Variants in MAP4K3 observed in about 807,000 individuals in gnomAD.
The protein encoded by MAP4K3 is MAPK/ERK kinase kinase kinase 3.
A neutral mutation model predicts 143.5 loss-of-function variants in MAP4K3; 94 were observed. The observed-to-expected ratio is 0.65, with a 90% confidence interval of 0.55 to 0.78. The LOEUF is 0.78. MAP4K3 is among the 30% of genes least tolerant of loss of function. The probability of loss-of-function intolerance (pLI) is 0.00; values close to 1 mark genes in which losing one functional copy is unlikely to be tolerated. For synonymous variants in MAP4K3, 416 were observed against 347.2 expected (o/e 1.20, Z -2.20); for missense variants, 1,077 against 1,068.1 (o/e 1.01, Z -0.12).
chr2:39,387,900 A>T (rs1224415795), intron 1 of MAP4K3, among the ~76,000 whole-genome samples: 1 of 152,246 alleles, frequency 6.6e-6, no homozygotes, highest in African/African-American at 2.4e-5. Context: ...AAAAAATTTT[A>T]AAAACAGATT....
Position 39,433,860 on chromosome 2 carries a change from A to G in MAP4K3, c.96+3032T>C, listed in dbSNP as rs112705058. Among the ~76,000 whole-genome samples, 199 of 151,250 alleles carry G rather than the reference A, an allele frequency of 1.3e-3. 3 individuals carry two copies. Among genetic ancestry groups the G allele is most frequent in the African/African-American group, 4.6e-3 (193 of 41,524 alleles). On this transcript the variant is annotated intron_variant, in intron 1 of 33. Transcript: ENST00000263881. Reference sequence around the variant, plus strand: ...ATGCATTGGCCTGAAAAAAATAAAGATAACTTACTTACTAAGTAAAATTTG... The same window carrying G: ...ATGCATTGGCCTGAAAAAAATAAAGGTAACTTACTTACTAAGTAAAATTTG...
At chr2:39,404,171 G>GA (rs1002413229) in intron 1 of MAP4K3, among the ~76,000 whole-genome samples, 1 of 152,096 alleles carries the variant, frequency 6.6e-6, no homozygotes, top group Admixed American at 6.5e-5. Flanking sequence ...TAGCTACAGT[G>GA]AAAGACTCCT....
chr2:39,320,053 T>A (rs1013268870), intron 12 of MAP4K3, among the ~76,000 whole-genome samples: 1 of 152,198 alleles, frequency 6.6e-6, no homozygotes, highest in Non-Finnish European at 1.5e-5. Flanking sequence ...CTTTGTGACA[T>A]CTTCTCTGAC....
At chr2:39,398,645 A>C (rs1362914145) in intron 1 of MAP4K3, among the ~76,000 whole-genome samples, 2 of 150,650 alleles carry the variant, frequency 1.3e-5, no homozygotes, top group African/African-American at 2.4e-5. Flanking sequence ...GGCATGGTTA[A>C]TATTTGGCCC....
intron 1 of MAP4K3, among the ~76,000 whole-genome samples, chr2:39,399,488 A>G (rs559361316): frequency 2.0e-5 from 3 of 152,330 alleles, no homozygotes; most frequent in South Asian, 4.1e-4. Flanking sequence ...GAACCATCTC[A>G]TTTCCATCTT....
At chr2:39,261,890 G>A (rs1050500028) in intron 28 of MAP4K3, among the ~76,000 whole-genome samples, 1 of 151,728 alleles carries the variant, frequency 6.6e-6, no homozygotes, top group Non-Finnish European at 1.5e-5. Context: ...AGCTTAGATA[G>A]TAAAAAAAGA....
At chr2:39,369,572 T>C (rs562563905) in intron 2 of MAP4K3, among the ~76,000 whole-genome samples, 30 of 152,234 alleles carry the variant, frequency 2.0e-4, no homozygotes, top group Non-Finnish European at 3.8e-4. Flanking sequence ...ACAGGCCTAG[T>C]ACTTTCATAC....
intron 8 of MAP4K3, among the ~76,000 whole-genome samples, chr2:39,330,759 G>A (rs1351287196): frequency 2.0e-5 from 3 of 152,000 alleles, no homozygotes; most frequent in Non-Finnish European, 2.9e-5. Context: ...GCAAAATGAG[G>A]GAAGGTATGG....
intron 1 of MAP4K3, among the ~76,000 whole-genome samples, chr2:39,400,350 C>T (rs1170972583): frequency 6.6e-6 from 1 of 152,206 alleles, no homozygotes; most frequent in East Asian, 1.9e-4. Context: ...GCATAAGTTG[C>T]TCATAATATT....
chr2:39,392,515 G>A (rs1386119774), intron 1 of MAP4K3, among the ~76,000 whole-genome samples: 1 of 152,130 alleles, frequency 6.6e-6, no homozygotes, highest in East Asian at 1.9e-4. Flanking sequence ...CCAAGGCTGG[G>A]CTTCAGTGAG....
intron 2 of MAP4K3, among the ~76,000 whole-genome samples, chr2:39,373,298 G>A (rs192533000): frequency 1.3e-5 from 2 of 152,158 alleles, no homozygotes; most frequent in African/African-American, 2.4e-5. Context: ...AAATGCTGGT[G>A]AGAATGTGGA....
chr2:39,312,416 CT>C lies in MAP4K3; in HGVS notation c.997+2893del, dbSNP rs1682972453. On this transcript the variant is annotated intron_variant, in intron 13 of 33. Coordinates refer to ENST00000263881, the MANE Select transcript of MAP4K3 (RefSeq NM_003618.4). ...GTAAGAGCTTCAGCCAAAACCAAAA[CT>C]TCTCAACCAAGCTGAGGAAAACAGT... 2.0e-5 allele frequency among the ~76,000 whole-genome samples: 3 copies of C among 152,306 alleles called. No individual in the cohort carries two copies. The South Asian group carries it at 6.2e-4, about 32-fold the overall frequency.
At chr2:39,391,198 AAC>A (rs1423134183) in intron 1 of MAP4K3, among the ~76,000 whole-genome samples, 2 of 151,500 alleles carry the variant, frequency 1.3e-5, no homozygotes, top group Non-Finnish European at 2.9e-5. Flanking sequence ...TACTAAAAAA[AAC>A]ACACAAAAAT....
At chr2:39,321,898 CTAT>C (rs1460052678) in intron 12 of MAP4K3, among the ~76,000 whole-genome samples, 2 of 152,248 alleles carry the variant, frequency 1.3e-5, no homozygotes, top group Non-Finnish European at 1.5e-5. Context: ...CCTCTCCCCA[CTAT>C]TGTCTTGTGA....
chr2:39,263,271 A>T (rs1680636334), intron 28 of MAP4K3, among the ~76,000 whole-genome samples: 1 of 149,664 alleles, frequency 6.7e-6, no homozygotes. Flanking sequence ...TACATATAGA[A>T]GTTTTTTTTT....
At chr2:39,421,976 T>C (rs1052810374) in intron 1 of MAP4K3, among the ~76,000 whole-genome samples, 1 of 151,768 alleles carries the variant, frequency 6.6e-6, no homozygotes, top group Non-Finnish European at 1.5e-5. Context: ...ACATAATACT[T>C]AATCACAAAA....
intron 15 of MAP4K3, among the ~76,000 whole-genome samples, chr2:39,301,886 T>A (rs965646658): frequency 1.3e-5 from 2 of 151,926 alleles, no homozygotes; most frequent in African/African-American, 4.8e-5. Flanking sequence ...TAGCTGGGCG[T>A]GGTGGCTCGC....
At chr2:39,397,714 A>G (rs1218397416) in intron 1 of MAP4K3, among the ~76,000 whole-genome samples, 1 of 152,240 alleles carries the variant, frequency 6.6e-6, no homozygotes, top group African/African-American at 2.4e-5. Flanking sequence ...ATAACTTTAT[A>G]TGGCCTCAAG....
intron 19 of MAP4K3, among the ~76,000 whole-genome samples, chr2:39,289,970 C>A (rs1573102118): frequency 6.6e-6 from 1 of 151,692 alleles, no homozygotes; most frequent in East Asian, 1.9e-4. Flanking sequence ...GCCTGTAATC[C>A]CAGCTACTGG....
Sources: allele counts gnomAD v4.1 joint callset (sites outside exome capture counted in the v4.1 genomes callset), GRCh38; gene constraint gnomAD v4.1.1; transcripts MANE v1.5; gene names NCBI Gene and HGNC (gene_info 2026-07-23, HGNC 2026-07-21).